KMT2C: variants seen among roughly 807,000 people sequenced by gnomAD.
KMT2C encodes the protein lysine methyltransferase 2C.
Under a neutral mutation model 507.9 loss-of-function variants are expected in KMT2C, and 88 were observed. The ratio of observed to expected loss-of-function variants is 0.17; its 90% CI spans 0.15 to 0.21. KMT2C has a LOEUF of 0.21. Ranked by LOEUF, KMT2C falls within the 10% of genes least tolerant of loss-of-function variation. The probability of loss-of-function intolerance (pLI) is 1.00; values close to 1 mark genes in which losing one functional copy is unlikely to be tolerated. For missense variants in KMT2C, 4,954 were observed against 5,957.8 expected, an observed-to-expected ratio of 0.83 and a Z score of 5.55; for synonymous variants, 2,049 against 2,080.8, an observed-to-expected ratio of 0.98 and a Z score of 0.42.
rs181676716 is a variant in KMT2C at position 152,268,700 on chromosome 7, T to C, written c.1013-3491A>G. On this transcript the variant is annotated intron_variant, in intron 7 of 58. Transcript: ENST00000262189. ...ATGTACATTTAAAAATTGATCTTTT[T>C]GCTCACCGTAAAACTTTTAAAAATT... Among the ~76,000 whole-genome samples, 285 of 152,352 alleles carry C rather than the reference T, an allele frequency of 1.9e-3. 1 individual carries two copies. Among genetic ancestry groups the C allele is most frequent in the African/African-American group, 6.6e-3 (273 of 41,576 alleles).
Position 152,231,919 on chromosome 7 carries a change from G to A in KMT2C, c.2770-1598C>T, listed in dbSNP as rs573483666. On this transcript the variant is annotated intron_variant, in intron 16 of 58. Coordinates refer to ENST00000262189, the MANE Select transcript of KMT2C (RefSeq NM_170606.3). ...TTTTGAGACAGAGTCTCACTATGTC[G>A]CCCAGGCTGGAGTGCAGTGGTGCAG... Among the ~76,000 whole-genome samples, 25 of 151,730 alleles carry A rather than the reference G, an allele frequency of 1.6e-4. No individual in the cohort carries two copies. In the East Asian group the frequency reaches 2.1e-3, roughly 13 times the overall value.
rs772651774 is a variant in KMT2C, at chr7:152,148,045, T to A, written c.13882A>T (p.Ile4628Phe). 6.3e-7 allele frequency: 1 copy of A among 1,583,288 alleles called. No individual in the cohort carries two copies. The highest frequency in any genetic ancestry group is 1.7e-5 in the Admixed American group (1 of 58,114). ...CGGCAGACGTTACCTTTAGGTGAGA[T>A]GTCACTTAGAACCAGGTCTTCATGG... ...QGHEDLVLSD[I>F]SPKGVWDKIL... The change falls in exon 52 of 59, where the codon ATC (isoleucine) becomes TTC (phenylalanine). Residue 4628 changes from isoleucine to phenylalanine, a missense_variant. Ile to Phe is a conservative substitution (Grantham distance 21). This residue lies in a region of KMT2C where 221 missense variants were observed against 304.7 expected (regional missense o/e 0.73). Coordinates refer to ENST00000262189, the MANE Select transcript of KMT2C (RefSeq NM_170606.3). This position sits in a 1 kb window ranked among gnomAD's most constrained non-coding sequence, Gnocchi z 7.1.
chr7:152,413,341 G>C (rs886225344), intron 1 of KMT2C, among the ~76,000 whole-genome samples: 10 of 152,020 alleles, frequency 6.6e-5, no homozygotes, highest in African/African-American at 2.2e-4. Flanking sequence ...TTGAGCTCCT[G>C]AGCTGAAGCA....
At chr7:152,139,955 G>C (rs548612361) in intron 55 of KMT2C, among the ~76,000 whole-genome samples, 164 bp from the exon 56 acceptor site, 2 of 152,140 alleles carry the variant, frequency 1.3e-5, no homozygotes, top group Admixed American at 6.5e-5. Flanking sequence ...TTAAAAATTG[G>C]ACATTTTTAC....
At chr7:152,400,448 T>C (rs1387356109) in intron 1 of KMT2C, among the ~76,000 whole-genome samples, 1 of 152,120 alleles carries the variant, frequency 6.6e-6, no homozygotes, top group Non-Finnish European at 1.5e-5. Flanking sequence ...TTAATGAGGA[T>C]AAAAGAAGGC....
Position 152,311,932 on chromosome 7 carries a change from T to C in KMT2C, c.605A>G (p.Gln202Arg), listed in dbSNP as rs1369996334. 1 of 1,569,986 alleles carries C rather than the reference T, an allele frequency of 6.4e-7. No homozygotes were observed. Among genetic ancestry groups the C allele is most frequent in the Non-Finnish European group, 8.7e-7 (1 of 1,153,178 alleles). Residue 202 changes from glutamine to arginine, a missense_variant, in exon 5 of 59, where the codon CAG becomes CGG. Transcript: ENST00000262189. ...QRGQRKERSP[Q>R]QNIVSCVSVS... is the part of the protein sequence containing the mutation. ...ACTTACACAAGATACTATATTCTGCTGAGGAGATCGTTCTCTGAAAATAAA... is the reference window on the plus strand; with the variant it reads ...ACTTACACAAGATACTATATTCTGCCGAGGAGATCGTTCTCTGAAAATAAA...
chr7:152,210,130 T>TC (rs1224976912), intron 23 of KMT2C, among the ~76,000 whole-genome samples: 2 of 152,036 alleles, frequency 1.3e-5, no homozygotes, highest in African/African-American at 2.4e-5. Flanking sequence ...ACCCCACGTT[T>TC]CCCCACTGAA....
chr7:152,214,606 A>G (rs1003127534), intron 23 of KMT2C, among the ~76,000 whole-genome samples: 5 of 152,216 alleles, frequency 3.3e-5, no homozygotes, highest in Non-Finnish European at 5.9e-5. Context: ...GACTTTATAC[A>G]ATGGAATAGT....
chr7:152,312,591 C>G (rs570555388), intron 4 of KMT2C, among the ~76,000 whole-genome samples: 1 of 151,938 alleles, frequency 6.6e-6, no homozygotes, highest in African/African-American at 2.4e-5. Flanking sequence ...AAAGCAAAAG[C>G]AAAATAGCTA....
chr7:152,292,170 C>T (rs1204110855), intron 6 of KMT2C, among the ~76,000 whole-genome samples: 1 of 152,054 alleles, frequency 6.6e-6, no homozygotes, highest in Non-Finnish European at 1.5e-5. Context: ...AAATATAATG[C>T]TTTGCTATCT....
In KMT2C at chr7:152,176,881, C is replaced by T. The variant is rs1275547808; in HGVS notation, c.8572G>A (p.Ala2858Thr). ...TCTCCATCATTTAGGTCTGAGTGAG[C>T]AGAAGCCTGTGAGCAAGGAGTGTCA... ...NVDTPCSQAS[A>T]HSDLNDGEKT... The change falls in exon 38 of 59, where the codon GCT becomes ACT. Residue 2858 changes from alanine to threonine, a missense_variant. Coordinates refer to ENST00000262189, the MANE Select transcript of KMT2C (RefSeq NM_170606.3). The T allele has an allele frequency of 6.2e-7, 1 of 1,614,188 alleles. No homozygotes were observed. The highest frequency in any genetic ancestry group is 8.5e-7 in the Non-Finnish European group (1 of 1,180,018).
In KMT2C at chr7:152,176,386, T is replaced by C. The variant is rs756327170; in HGVS notation, c.9067A>G (p.Ser3023Gly). ...AGCTGTTGGGGTCCAGACATGCTAC[T>C]GGTACCAGACTGACTTGTTTGAGGC... Reference protein sequence around the residue: ...TGPQTSQSGTSSMSGPQQLMI... With the variant: ...TGPQTSQSGTGSMSGPQQLMI... Residue 3023 changes from serine (S) to glycine (G), a missense_variant, in exon 38 of 59, where the codon AGT (serine) becomes GGT (glycine). Physicochemically the swap from Ser to Gly is moderately conservative, Grantham distance 56. Around this residue, in one of 29 missense-constraint regions of KMT2C, gnomAD observed 1,689 missense variants for 1,654.3 expected, o/e 1.02. Coordinates refer to ENST00000262189, the MANE Select transcript of KMT2C (RefSeq NM_170606.3). The C allele has an allele frequency of 1.2e-6, 2 of 1,614,056 alleles. No individual in the cohort carries two copies. The highest frequency in any genetic ancestry group is 3.3e-5 in the Admixed American group (2 of 60,010).
chr7:152,385,604 TC>T (rs1294510750), intron 1 of KMT2C, among the ~76,000 whole-genome samples: 2 of 45,500 alleles, frequency 4.4e-5, no homozygotes, highest in Middle Eastern at 0.029. Context: ...AGAGCGAGAC[TC>T]CGTCTCAAAA....
intron 2 of KMT2C, among the ~76,000 whole-genome samples, chr7:152,340,028 G>A (rs1186643917): frequency 6.6e-6 from 1 of 151,758 alleles, no homozygotes; most frequent in African/African-American, 2.4e-5. Flanking sequence ...CTGTCACCCA[G>A]GCTAGAGTAC....
At chr7:152,311,282 C>T (rs919179015) in intron 5 of KMT2C, among the ~76,000 whole-genome samples, 5 of 152,238 alleles carry the variant, frequency 3.3e-5, no homozygotes, top group Admixed American at 2.0e-4. Flanking sequence ...ACACTTCAGC[C>T]TTTAAATTAT....
chr7:152,140,084 T>C (rs927744264), intron 55 of KMT2C, among the ~76,000 whole-genome samples: 2 of 152,208 alleles, frequency 1.3e-5, no homozygotes, highest in African/African-American at 2.4e-5. Context: ...CTATCTAACC[T>C]TCCAGATGAG....
chr7:152,284,608 T>C (rs2096267466), intron 6 of KMT2C, among the ~76,000 whole-genome samples: 1 of 152,108 alleles, frequency 6.6e-6, no homozygotes, highest in Non-Finnish European at 1.5e-5. Context: ...CAATAAACAT[T>C]GCTAAATAAA....
intron 6 of KMT2C, among the ~76,000 whole-genome samples, chr7:152,291,416 T>A: frequency 6.6e-6 from 1 of 152,226 alleles, no homozygotes; most frequent in Non-Finnish European, 1.5e-5. Flanking sequence ...GCAAAGTACC[T>A]GCTAATAAAT....
At chr7:152,316,138 G>C (rs552092560) in intron 3 of KMT2C, among the ~76,000 whole-genome samples, 10 of 152,242 alleles carry the variant, frequency 6.6e-5, no homozygotes, top group African/African-American at 2.4e-4. Context: ...GATTTTTAGG[G>C]AAGCAGAAGA....
Sources: allele counts gnomAD v4.1 joint callset (sites outside exome capture counted in the v4.1 genomes callset), GRCh38; gene constraint gnomAD v4.1.1; regional missense constraint gnomAD v4.1.1; non-coding constraint Gnocchi (gnomAD v3.1); transcripts MANE v1.5; gene names NCBI Gene and HGNC (gene_info 2026-07-23, HGNC 2026-07-21).